The following CGN variants were observed in gnomAD, a reference collection of about 807,000 sequenced individuals.
The protein encoded by CGN is cingulin.
A neutral mutation model predicts 157.1 loss-of-function variants in CGN; 121 were observed. The observed-to-expected ratio is 0.77, with a 90% CI of 0.66 to 0.90. The LOEUF (loss-of-function observed/expected upper bound fraction) is 0.90. Among genes scored for constraint, CGN ranks in the 40% least tolerant of loss-of-function variants. The pLI, the probability that CGN is intolerant of heterozygous loss-of-function variation, is 0.00. For synonymous variants in CGN, 535 were observed against 607.5 expected (o/e 0.88, Z 1.76); for missense variants, 1,424 against 1,520.9 (o/e 0.94, Z 1.06).
At chr1:151,532,610 C>A in intron 14 of CGN, 38 bp downstream of exon 14, 1 of 1,066,678 alleles carries the variant, frequency 9.4e-7, no homozygotes, top group Non-Finnish European at 1.2e-6. Context: ...AGGTCCTTGC[C>A]TCTTTTTTTT....
At chr1:151,525,615 C>A in intron 8 of CGN, 27 bp from the exon 9 acceptor site, 1 of 1,534,124 alleles carries the variant, frequency 6.5e-7, no homozygotes. Flanking sequence ...TCTGAGCCTT[C>A]TGGTGTCCAA....
Position 151,529,407 on chromosome 1 carries a change from G to C in CGN, c.1954G>C (p.Glu652Gln). Reference sequence around the variant, plus strand: ...ACTGCAGGCAGAACGGCAGAGCCAGGAGGTGGCTGGGCGACACCGGGACCG... The same window carrying C: ...ACTGCAGGCAGAACGGCAGAGCCAGCAGGTGGCTGGGCGACACCGGGACCG... ...KELQAERQSQ[E>Q]VAGRHRDREL... Residue 652 changes from glutamate (E) to glutamine (Q), a missense_variant, in exon 11 of 21, where the codon GAG (glutamate) becomes CAG (glutamine). Glu to Gln is a conservative substitution (Grantham distance 29). This residue lies in a region of CGN where 1,187 missense variants were observed against 1,217.6 expected (regional missense o/e 0.97). Coordinates refer to ENST00000271636, the MANE Select transcript of CGN (RefSeq NM_020770.3). The C allele has an allele frequency of 1.9e-6, 3 of 1,613,718 alleles. No homozygotes were observed. The highest frequency in any genetic ancestry group is 2.5e-6 in the Non-Finnish European group (3 of 1,179,836).
intron 10 of CGN, chr1:151,527,912 A>T (rs1402438263): frequency 6.8e-6 from 2 of 293,132 alleles, no homozygotes; most frequent in East Asian, 2.9e-4. Flanking sequence ...TCTTGCATGC[A>T]GTTGGAGATC....
chr1:151,524,173 G>A lies in CGN; in HGVS notation c.1269-53G>A, dbSNP rs1328022445. On this transcript the variant is annotated intron_variant, in intron 6 of 20. Transcript: ENST00000271636. The surrounding 1 kb of genome is among the most constrained non-coding windows in gnomAD (Gnocchi z 4.4). The stretch of plus-strand genomic sequence containing the variant: ...ATAAATATGAATTAAAATATATGAT[G>A]CGTTTAGAGAACTGCCTGACACATA... 5.7e-6 allele frequency: 8 copies of A among 1,405,836 alleles called. No individual in the cohort carries two copies. The African/African-American group carries it at 7.2e-5, about 13-fold the overall frequency. 87.1% of individuals were successfully genotyped at this position (1,405,836 alleles called of 1,614,324 possible). A position where few individuals can be genotyped will look rare whatever the true frequency, so the allele number is the denominator to read the frequency against.
chr1:151,526,867 C>T, intron 9 of CGN, 108 bp from the exon 10 acceptor site: 1 of 1,243,208 alleles, frequency 8.0e-7, no homozygotes, highest in Non-Finnish European at 1.1e-6. Flanking sequence ...AGTTGGTGCC[C>T]AGCGTGTTGG....
chr1:151,529,994 A>G lies in CGN; in HGVS notation c.2192A>G (p.Glu731Gly), dbSNP rs1664795110. 1 of 1,614,008 alleles carries G rather than the reference A, an allele frequency of 6.2e-7. No homozygotes were observed. Among genetic ancestry groups the G allele is most frequent in the South Asian group, 1.1e-5 (1 of 91,090 alleles). The change falls in exon 12 of 21, where the codon GAA (glutamate) becomes GGA (glycine). Residue 731 changes from glutamate to glycine, a missense_variant. Glu to Gly is a moderately conservative substitution (Grantham distance 98). This residue lies in a region of CGN where 1,187 missense variants were observed against 1,217.6 expected (regional missense o/e 0.97). Coordinates refer to ENST00000271636, the MANE Select transcript of CGN (RefSeq NM_020770.3). ...VETTLRETQE[E>G]NDEFRRRILG... ...ACGACGCTTCGGGAGACCCAGGAGGAAAATGACGAATTCCGCCGGCGCATC... is the reference window on the plus strand; with the variant it reads ...ACGACGCTTCGGGAGACCCAGGAGGGAAATGACGAATTCCGCCGGCGCATC...
At chr1:151,516,821 C>T (rs571056404) in intron 1 of CGN, among the ~76,000 whole-genome samples, 2 of 150,610 alleles carry the variant, frequency 1.3e-5, no homozygotes, top group Admixed American at 6.6e-5. Context: ...GGATTACAGG[C>T]GTGAGCCACC....
intron 1 of CGN, among the ~76,000 whole-genome samples, chr1:151,516,220 A>C (rs1191007788): frequency 6.6e-6 from 1 of 152,108 alleles, no homozygotes; most frequent in Admixed American, 6.5e-5. Context: ...GGGCCTTGCC[A>C]AGTTTCCTTG....
chr1:151,516,846 G>A (rs912186506), intron 1 of CGN, among the ~76,000 whole-genome samples: 6 of 151,418 alleles, frequency 4.0e-5, no homozygotes, highest in African/African-American at 1.5e-4. Context: ...CCGGCCGAGT[G>A]GCACAGTTTT....
rs1664304633 is a variant in CGN at position 151,511,846 on chromosome 1, G to A, written c.-15+331G>A. ...GGGCAGAATTTCTCTTGGAGACAGC[G>A]GTGGCGCGGGGAAGGAGTTAGTTCC... On this transcript the variant is annotated intron_variant, in intron 1 of 20. Coordinates refer to ENST00000271636, the MANE Select transcript of CGN (RefSeq NM_020770.3). The surrounding 1 kb of genome is among the most constrained non-coding windows in gnomAD (Gnocchi z 4.8). Among the ~76,000 whole-genome samples, 1 of 152,214 alleles carries A rather than the reference G, an allele frequency of 6.6e-6. No individual in the cohort carries two copies. Among genetic ancestry groups the A allele is most frequent in the South Asian group, 2.1e-4 (1 of 4,838 alleles).
intron 1 of CGN, among the ~76,000 whole-genome samples, chr1:151,515,326 G>T (rs1020497004): frequency 1.6e-4 from 25 of 152,074 alleles, no homozygotes; most frequent in Non-Finnish European, 2.9e-5. Flanking sequence ...AAGATCTTAA[G>T]GGTATAACTT....
Position 151,526,841 on chromosome 1 carries a change from C to T in CGN, c.1764-134C>T. 6.5e-6 allele frequency: 6 copies of T among 928,744 alleles called. No homozygotes were observed. In the Admixed American group the frequency reaches 1.5e-4, roughly 23 times the overall value. The allele number at this position is 928,744 out of a possible 1,614,324, so 57.5% of individuals were successfully genotyped here. A position where few individuals can be genotyped will look rare whatever the true frequency, so the allele number is the denominator to read the frequency against. Reference sequence around the variant, plus strand: ...TCAAACTGCTCTTTTCCACGTTCACCTTCCTTCCTCTTGAGAGTTGGTGCC... The same window carrying T: ...TCAAACTGCTCTTTTCCACGTTCACTTTCCTTCCTCTTGAGAGTTGGTGCC... On this transcript the variant is annotated intron_variant, in intron 9 of 20. Coordinates refer to ENST00000271636, the MANE Select transcript of CGN (RefSeq NM_020770.3).
At position 151,534,092 on chromosome 1, in the gene CGN, A is replaced by G. The variant is rs1353336413; in HGVS notation, c.2860A>G (p.Lys954Glu). The G allele has an allele frequency of 6.2e-7, 1 of 1,611,482 alleles. No individual in the cohort carries two copies. ...GCTGGAGCAAGAGGCAGAGAACAAG[A>G]AGCGTTCCCAGGACGACAGGGCCCG... ...QGLEQEAENK[K>E]RSQDDRARQL... The change falls in exon 15 of 21, where the codon AAG becomes GAG. Residue 954 changes from lysine (K) to glutamate (E), a missense_variant. Lys to Glu is a moderately conservative substitution (Grantham distance 56). Transcript: ENST00000271636.
chr1:151,523,526 G>A lies in CGN; in HGVS notation c.1233G>A (p.Glu411=), dbSNP rs747343514. ...EECSRLQELL[E]RRKGEAQQSN... ...GCAGCCGACTGCAGGAGCTGCTGGAGAGGAGGAAGGGGGAGGCCCAGCAGA... is the reference window on the plus strand; with the variant it reads ...GCAGCCGACTGCAGGAGCTGCTGGAAAGGAGGAAGGGGGAGGCCCAGCAGA... Residue 411 remains glutamate (E), a synonymous_variant, in exon 6 of 21, where the codon GAG becomes GAA. Transcript: ENST00000271636. 9 of 1,612,932 alleles carry A rather than the reference G, an allele frequency of 5.6e-6. No individual in the cohort carries two copies. Among genetic ancestry groups the A allele is most frequent in the Non-Finnish European group, 7.6e-6 (9 of 1,179,500 alleles).
rs767893298 is a variant in CGN, at chr1:151,530,727, T to C, written c.2552T>C (p.Val851Ala). The C allele has an allele frequency of 3.9e-6, 6 of 1,552,274 alleles. No individual in the cohort carries two copies. In the South Asian group the frequency reaches 7.1e-5, roughly 18 times the overall value. The change falls in exon 13 of 21, where the codon GTG becomes GCG. Residue 851 changes from valine to alanine, a missense_variant. This residue lies in a region of CGN where 1,187 missense variants were observed against 1,217.6 expected (regional missense o/e 0.97). Transcript: ENST00000271636. The stretch of plus-strand genomic sequence containing the variant: ...CAGAAGCGTTTGCTGGACAGGACTG[T>C]GGACCGACTGAACAAGGAGGTGGGG... ...EEQKRLLDRT[V>A]DRLNKELEKI...
intron 12 of CGN, 142 bp from the exon 13 acceptor site, chr1:151,530,347 C>T (rs1664805547): frequency 4.5e-6 from 5 of 1,112,492 alleles, no homozygotes; most frequent in African/African-American, 1.6e-5. Flanking sequence ...TCTATGTGTC[C>T]TGATTTCTTT....
At chr1:151,512,167 G>A (rs942553050) in intron 1 of CGN, among the ~76,000 whole-genome samples, 1 of 151,970 alleles carries the variant, frequency 6.6e-6, no homozygotes, top group Non-Finnish European at 1.5e-5. Flanking sequence ...TCGTGCCAGG[G>A]AGAATCGTTC....
intron 18 of CGN, 25 bp from the exon 19 acceptor site, chr1:151,536,210 CAT>C: frequency 7.2e-7 from 1 of 1,393,150 alleles, no homozygotes; most frequent in Non-Finnish European, 1.0e-6. Flanking sequence ...TGGGGACACT[CAT>C]AGACATTCTT....
At chr1:151,513,720 A>C (rs1664351111) in intron 1 of CGN, among the ~76,000 whole-genome samples, 1 of 152,128 alleles carries the variant, frequency 6.6e-6, no homozygotes, top group African/African-American at 2.4e-5. Context: ...GCTGGGCCAG[A>C]GGTGATGGAA....
Sources: gnomAD v4.1 joint callset for allele counts (sites outside exome capture counted in the v4.1 genomes callset) on GRCh38, gnomAD v4.1.1 for gene constraint, gnomAD v4.1.1 regional missense constraint, Gnocchi (gnomAD v3.1) non-coding constraint, MANE v1.5 for transcripts, NCBI Gene and HGNC (gene_info 2026-07-23, HGNC 2026-07-21) for gene names.